Variants in MICAL1 observed in about 807,000 individuals in gnomAD.
MICAL1 encodes microtubule associated monooxygenase, calponin and LIM domain containing 1.
Under a neutral mutation model 131.8 loss-of-function variants are expected in MICAL1, and 95 were observed. The observed-to-expected ratio is 0.72, with a 90% CI of 0.61 to 0.86. The LOEUF (loss-of-function observed/expected upper bound fraction) is 0.86, where lower values mean the gene tolerates loss of function less well. MICAL1 is among the 40% of genes least tolerant of loss of function. The pLI, the probability that MICAL1 is intolerant of heterozygous loss-of-function variation, is 0.00. For missense variants in MICAL1, 1,292 were observed against 1,380.6 expected, an observed-to-expected ratio of 0.94 and a Z score of 1.02; for synonymous variants, 546 against 554.2, an observed-to-expected ratio of 0.99 and a Z score of 0.21.
Position 109,444,894 on chromosome 6 carries a change from A to T in MICAL1, c.2981+2T>A. On this transcript the variant is annotated splice_donor_variant, in intron 23 of 24. Transcript: ENST00000358807. LOFTEE classifies it high-confidence loss of function. ...CCACTGTCACCATCCCCTTCCCCTTACGTGATCATGAGCTCGGCCTCCTCA... is the reference window on the plus strand; with the variant it reads ...CCACTGTCACCATCCCCTTCCCCTTTCGTGATCATGAGCTCGGCCTCCTCA... 2 of 1,614,090 alleles carry T rather than the reference A, an allele frequency of 1.2e-6. No individual in the cohort carries two copies. Among genetic ancestry groups the T allele is most frequent in the Non-Finnish European group, 1.7e-6 (2 of 1,180,004 alleles).
At chr6:109,453,612 C>A (rs761197743) in intron 3 of MICAL1, 26 bp downstream of exon 3, 32 of 1,566,694 alleles carry the variant, frequency 2.0e-5, no homozygotes, top group Non-Finnish European at 2.3e-5. Flanking sequence ...CTCACCCGCC[C>A]CTCCAGGCCA....
rs373580101 is a variant in MICAL1, at chr6:109,445,423, T to C, written c.2780A>G (p.Lys927Arg). 2.5e-6 allele frequency: 4 copies of C among 1,613,924 alleles called. No individual in the cohort carries two copies. The African/African-American group carries it at 5.3e-5, about 22-fold the overall frequency. Reference protein sequence around the residue: ...AKEEEMKRFCKAQTIQRRLNE... With the variant: ...AKEEEMKRFCRAQTIQRRLNE... Reference sequence around the variant, plus strand: ...GGAACCCCCGGGCTTCACCTGGGCCTTGCAGAACCTCTTCATCTCCTCCTC... The same window carrying C: ...GGAACCCCCGGGCTTCACCTGGGCCCTGCAGAACCTCTTCATCTCCTCCTC... The change falls in exon 21 of 25, where the codon AAG (lysine) becomes AGG (arginine). Residue 927 changes from lysine (K) to arginine (R), a missense_variant. Lys to Arg is a conservative substitution (Grantham distance 26). Coordinates refer to ENST00000358807, the MANE Select transcript of MICAL1 (RefSeq NM_022765.4).
chr6:109,462,076 CAT>C (rs1775902321), intron 1 of MICAL1, among the ~76,000 whole-genome samples: 1 of 152,222 alleles, frequency 6.6e-6, no homozygotes, highest in Admixed American at 6.5e-5. Context: ...TCCAAATTCA[CAT>C]GTTGATGTCC....
intron 4 of MICAL1, 76 bp downstream of exon 4, chr6:109,453,187 G>T: frequency 8.4e-7 from 1 of 1,191,750 alleles, no homozygotes; most frequent in Non-Finnish European, 1.2e-6. Context: ...GGACACTCCT[G>T]GCCCATCCTT....
At chr6:109,465,647 T>C (rs1776015986) in intron 1 of MICAL1, 2 of 1,555,946 alleles carry the variant, frequency 1.3e-6, no homozygotes, top group South Asian at 1.2e-5. Context: ...ATTGAAATGC[T>C]CAATACAAAT....
rs1324005685 is a variant in MICAL1 at position 109,452,574 on chromosome 6, G to A, written c.613C>T (p.Gln205Ter). The change falls in exon 5 of 25, where the codon CAG (glutamine) becomes TAG (stop). Residue 205 changes from glutamine to a stop codon, truncating the protein, a stop_gained. Coordinates refer to ENST00000358807, the MANE Select transcript of MICAL1 (RefSeq NM_022765.4). LOFTEE classifies it high-confidence loss of function. Reference protein sequence around the residue: ...RAQLQPNPPAQLANYEFDVLI... With the variant: ...RAQLQPNPPA ...ACGTCAAATTCATAGTTGGCCAGCTGGGCAGGGGGGTTGGGTTGGAGCTGG... is the reference window on the plus strand; with the variant it reads ...ACGTCAAATTCATAGTTGGCCAGCTAGGCAGGGGGGTTGGGTTGGAGCTGG... The A allele has an allele frequency of 2.5e-6, 4 of 1,613,556 alleles. No homozygotes were observed. Among genetic ancestry groups the A allele is most frequent in the Non-Finnish European group, 3.4e-6 (4 of 1,179,916 alleles).
At chr6:109,452,753 T>G (rs1775597078) in intron 4 of MICAL1, 138 bp from the exon 5 acceptor site, 3 of 641,876 alleles carry the variant, frequency 4.7e-6, no homozygotes, top group Non-Finnish European at 7.9e-6. Flanking sequence ...TCTATCAGAT[T>G]ACACCTTCAC....
chr6:109,462,581 TATA>T (rs1449968500), intron 1 of MICAL1: 1 of 152,234 alleles, frequency 6.6e-6, no homozygotes, highest in Non-Finnish European at 1.5e-5. Flanking sequence ...GGTAAGCATT[TATA>T]ATGAGAATCT....
chr6:109,447,359 C>T lies in MICAL1; in HGVS notation c.2068G>A (p.Glu690Lys). The stretch of plus-strand genomic sequence containing the variant: ...TGCACACAAAGCCTGGCTCTCACCT[C>T]CTGGTGTTGGGATGGGGGTGTCAGG... The part of the protein sequence containing the change: ...VPLTPPSQHQ[E>K]AGAGDLCALC... The change falls in exon 16 of 25, where the codon GAG (glutamate) becomes AAG (lysine). Residue 690 changes from glutamate (E) to lysine (K), a missense_variant and splice_region_variant. Glu to Lys is a moderately conservative substitution (Grantham distance 56, BLOSUM62 1). Transcript: ENST00000358807. 3 of 1,613,928 alleles carry T rather than the reference C, an allele frequency of 1.9e-6. No homozygotes were observed. Among genetic ancestry groups the T allele is most frequent in the Non-Finnish European group, 1.7e-6 (2 of 1,179,982 alleles).
intron 7 of MICAL1, 65 bp from the exon 8 acceptor site, chr6:109,450,622 C>A (rs9374089): frequency 0.036 from 54,030 of 1,519,102 alleles, 1,602 homozygotes; most frequent in East Asian, 0.18. Context: ...CCAGTGCCAC[C>A]CCCTTGGGCG....
upstream of MICAL1, chr6:109,455,783 G>A (rs1460791589): frequency 1.9e-6 from 1 of 517,354 alleles, no homozygotes; most frequent in Non-Finnish European, 2.5e-6. The surrounding 1 kb of genome is among the most constrained non-coding windows in gnomAD (Gnocchi z 4.7). Flanking sequence ...GAGCGGGTGG[G>A]AGGGCGGGGG....
At position 109,454,149 on chromosome 6, in the gene MICAL1, GCT is replaced by G. The variant is rs1273218796; in HGVS notation, c.46_47del (p.Ser16LeufsTer125). On this transcript the variant is annotated frameshift_variant, in exon 2 of 25. Transcript: ENST00000358807. LOFTEE classifies it high-confidence loss of function. ...CCTGGCACAGCTGGGCCTGCAGGAAGCTCTCAAAGTGGGCATGCGCTGGGTTG... is the reference window on the plus strand; with the variant it reads ...CCTGGCACAGCTGGGCCTGCAGGAAGCTCAAAGTGGGCATGCGCTGGGTTG... ...STNPAHAHFE[S>X]FLQAQLCQDV... is the part of the protein sequence containing the mutation. 1 of 1,612,442 alleles carries G rather than the reference GCT, an allele frequency of 6.2e-7. No homozygotes were observed.
chr6:109,461,424 T>A (rs1408509505), intron 1 of MICAL1, among the ~76,000 whole-genome samples: 2 of 152,172 alleles, frequency 1.3e-5, no homozygotes, highest in African/African-American at 2.4e-5. Context: ...AGACCGTAAC[T>A]TTCACTACTA....
chr6:109,451,596 T>G lies in MICAL1; in HGVS notation c.933+4A>C. 6.2e-7 allele frequency: 1 copy of G among 1,613,680 alleles called. No homozygotes were observed. Among genetic ancestry groups the G allele is most frequent in the Non-Finnish European group, 8.5e-7 (1 of 1,179,914 alleles). On this transcript the variant is annotated splice_donor_region_variant and intron_variant, in intron 7 of 24. Transcript: ENST00000358807. ...AGCCTCTCCTGGCCAGGACTGGGCC[T>G]CACCTGGCGCAGCACCCCCAGCCGC...
rs538110994 is a variant in MICAL1, at chr6:109,447,563, G to C, written c.1986+118C>G. 155 of 1,535,748 alleles carry C rather than the reference G, an allele frequency of 1.0e-4. 1 individual carries two copies. The East Asian group carries it at 1.7e-3, about 17-fold the overall frequency. ...TGAGACTAGGCAGGGAGGCTGGATG[G>C]GGGGGTTACAGGACCTGGGGTGGGG... is the stretch of plus-strand genomic sequence containing the variant. On this transcript the variant is annotated intron_variant, in intron 15 of 24. Coordinates refer to ENST00000358807, the MANE Select transcript of MICAL1 (RefSeq NM_022765.4).
At position 109,448,302 on chromosome 6, in the gene MICAL1, C is replaced by A. The variant is rs781074876; in HGVS notation, c.1756G>T (p.Val586Leu). Reference protein sequence around the residue: ...AENELGITPVVSAQAVVAGSD... With the variant: ...AENELGITPVLSAQAVVAGSD... ...CCTGCTACCACGGCCTGTGCAGACACCACCGGTGTGATGCCCAGCTCATTC... is the reference window on the plus strand; with the variant it reads ...CCTGCTACCACGGCCTGTGCAGACAACACCGGTGTGATGCCCAGCTCATTC... Residue 586 changes from valine (V) to leucine (L), a missense_variant, in exon 13 of 25, where the codon GTG becomes TTG. By Grantham distance (32) the Val-to-Leu change is conservative. Coordinates refer to ENST00000358807, the MANE Select transcript of MICAL1 (RefSeq NM_022765.4). 3.1e-6 allele frequency: 5 copies of A among 1,613,906 alleles called. No homozygotes were observed. In the South Asian group the frequency reaches 4.4e-5, roughly 14 times the overall value.
At chr6:109,444,392 AG>A (rs1372814441) in intron 24 of MICAL1, 53 bp from the exon 25 acceptor site, 2 of 1,610,564 alleles carry the variant, frequency 1.2e-6, no homozygotes, top group African/African-American at 2.7e-5. Context: ...GGGAAGCAGG[AG>A]GGCCACAACC....
Position 109,446,410 on chromosome 6 carries a change from C to A in MICAL1, c.2307G>T (p.Glu769Asp). The change falls in exon 19 of 25, where the codon GAG becomes GAT. Residue 769 changes from glutamate to aspartate, a missense_variant and splice_region_variant. Transcript: ENST00000358807. ...TGCTATTCTCACTTGGTGTGGGGAG[C>A]TCCTGGAAAAGCCACCATGTGGAGT... ...EGSDRGPESPELPTPSENSMP... is the reference protein window; with the variant it reads ...EGSDRGPESPDLPTPSENSMP... 1 of 1,067,992 alleles carries A rather than the reference C, an allele frequency of 9.4e-7. No individual in the cohort carries two copies. The highest frequency in any genetic ancestry group is 1.2e-6 in the Non-Finnish European group (1 of 829,118). 66.2% of individuals were successfully genotyped at this position (1,067,992 alleles called of 1,614,324 possible). A position where few individuals can be genotyped will look rare whatever the true frequency, so the allele number is the denominator to read the frequency against.
In MICAL1 at chr6:109,454,010, G is replaced by A; in HGVS notation, c.187C>T (p.Leu63=). ...DQLNYWSAKS[L]WTKLDKRAGQ... The stretch of plus-strand genomic sequence containing the variant: ...GCTCGCTTGTCCAGCTTGGTCCACA[G>A]TGACTTGGCGCTCCAGTAGTTGAGC... Residue 63 remains leucine, a synonymous_variant, in exon 2 of 25, where the codon CTG becomes TTG. Coordinates refer to ENST00000358807, the MANE Select transcript of MICAL1 (RefSeq NM_022765.4). 1 of 1,614,146 alleles carries A rather than the reference G, an allele frequency of 6.2e-7. No homozygotes were observed. Among genetic ancestry groups the A allele is most frequent in the African/African-American group, 1.3e-5 (1 of 75,074 alleles).
Sources: allele counts gnomAD v4.1 joint callset (sites outside exome capture counted in the v4.1 genomes callset), GRCh38; gene constraint gnomAD v4.1.1; non-coding constraint Gnocchi (gnomAD v3.1); transcripts MANE v1.5; gene names NCBI Gene and HGNC (gene_info 2026-07-23, HGNC 2026-07-21).